Variants in ALKBH5 observed in about 807,000 individuals in gnomAD.
ALKBH5 encodes RNA demethylase ALKBH5.
Under a neutral mutation model 32.1 loss-of-function variants are expected in ALKBH5, and 2 were observed. The observed-to-expected ratio is 0.06, with a 90% CI of 0.03 to 0.20. The LOEUF (loss-of-function observed/expected upper bound fraction) is 0.20, where lower values mean the gene tolerates loss of function less well. ALKBH5 is among the 10% of genes least tolerant of loss of function. The probability of loss-of-function intolerance (pLI) is 1.00; values close to 1 mark genes in which losing one functional copy is unlikely to be tolerated. For missense variants in ALKBH5, 352 were observed against 559.5 expected (o/e 0.63, Z 3.74); for synonymous variants, 300 against 231.7 (o/e 1.29, Z -2.68).
chr17:18,205,848 T>C (rs957882678), intron 2 of ALKBH5, among the ~76,000 whole-genome samples: 1 of 152,196 alleles, frequency 6.6e-6, no homozygotes, highest in African/African-American at 2.4e-5. Context: ...CCCCTACTCC[T>C]TCGGAACTAA....
At chr17:18,186,198 G>A (rs1161667797) in intron 1 of ALKBH5, among the ~76,000 whole-genome samples, 7 of 152,208 alleles carry the variant, frequency 4.6e-5, no homozygotes, top group Non-Finnish European at 1.5e-5. Flanking sequence ...GAAGTCAGTA[G>A]TAGCAGAAGC....
chr17:18,205,778 C>T (rs1180495541), intron 2 of ALKBH5, among the ~76,000 whole-genome samples: 2 of 152,182 alleles, frequency 1.3e-5, no homozygotes, highest in Non-Finnish European at 1.5e-5. Flanking sequence ...CTTGGATTTC[C>T]CTCCTGCTTA....
chr17:18,202,239 C>T (rs970212936), intron 2 of ALKBH5, among the ~76,000 whole-genome samples: 1 of 151,804 alleles, frequency 6.6e-6, no homozygotes, highest in African/African-American at 2.4e-5. Flanking sequence ...ACCCAGGAGG[C>T]GGAGGTTGCA....
At chr17:18,188,912 C>A (rs904705748) in intron 1 of ALKBH5, among the ~76,000 whole-genome samples, 6 of 152,010 alleles carry the variant, frequency 3.9e-5, no homozygotes, top group Non-Finnish European at 5.9e-5. Context: ...ACTAAAAATA[C>A]AAAAACTAGC....
At chr17:18,201,806 T>TAGGATAGATA (rs1567676701) in intron 2 of ALKBH5, among the ~76,000 whole-genome samples, 6 of 72,108 alleles carry the variant, frequency 8.3e-5, no homozygotes, top group Non-Finnish European at 1.5e-4. Context: ...GATAGATAGA[T>TAGGATAGATA]AGATAGATAG....
intron 1 of ALKBH5, among the ~76,000 whole-genome samples, chr17:18,189,427 G>A (rs957579604): frequency 1.3e-5 from 2 of 152,222 alleles, no homozygotes; most frequent in Admixed American, 1.3e-4. Flanking sequence ...TGGCTGGCCA[G>A]TTGGTGGATA....
chr17:18,185,391 T>C (rs1178678642), intron 1 of ALKBH5, among the ~76,000 whole-genome samples: 1 of 112,522 alleles, frequency 8.9e-6, no homozygotes, highest in Non-Finnish European at 2.1e-5. Context: ...ATCTATGCTT[T>C]AAAATTTTTT....
At chr17:18,201,794 A>AGATAGGATAGATT (rs1491101824) in intron 2 of ALKBH5, among the ~76,000 whole-genome samples, 1 of 134,416 alleles carries the variant, frequency 7.4e-6, no homozygotes, top group Non-Finnish European at 1.6e-5. Flanking sequence ...TAGGATAGAT[A>AGATAGGATAGATT]AGATAGATAG....
intron 1 of ALKBH5, among the ~76,000 whole-genome samples, chr17:18,185,799 A>G (rs2047135728): frequency 6.6e-6 from 1 of 152,208 alleles, no homozygotes; most frequent in Non-Finnish European, 1.5e-5. Context: ...CCCCCAGAGG[A>G]GATTGCCATT....
Position 18,184,624 on chromosome 17 carries a change from C to A in ALKBH5, c.381C>A (p.Ala127=), listed in dbSNP as rs768104129. Reference sequence around the variant, plus strand: ...ACAACGAGCACACGGTGGACCGGGCCCCACTGCGCAACAAGTACTTCTTCG... The same window carrying A: ...ACAACGAGCACACGGTGGACCGGGCACCACTGCGCAACAAGTACTTCTTCG... The part of the protein sequence containing the change: ...GLYNEHTVDR[A]PLRNKYFFGE... Residue 127 remains alanine (A), a synonymous_variant, in exon 1 of 4, where the codon GCC becomes GCA. Coordinates refer to ENST00000399138, the MANE Select transcript of ALKBH5 (RefSeq NM_017758.4). 6.2e-7 allele frequency: 1 copy of A among 1,613,220 alleles called. No homozygotes were observed. Among genetic ancestry groups the A allele is most frequent in the Non-Finnish European group, 8.5e-7 (1 of 1,180,002 alleles).
At position 18,194,973 on chromosome 17, in the gene ALKBH5, A is replaced by C. The variant is rs755667731; in HGVS notation, c.789A>C (p.Glu263Asp). 9 of 1,613,810 alleles carry C rather than the reference A, an allele frequency of 5.6e-6. No individual in the cohort carries two copies. The African/African-American group carries it at 1.1e-4, about 19-fold the overall frequency. ...VTVLSGYAAD[E>D]ITHCIRPQDI... Reference sequence around the variant, plus strand: ...TTTTCAGTGGATATGCTGCTGATGAAATCACTCACTGCATACGGCCTCAGG... The same window carrying C: ...TTTTCAGTGGATATGCTGCTGATGACATCACTCACTGCATACGGCCTCAGG... The change falls in exon 2 of 4, where the codon GAA becomes GAC. Residue 263 changes from glutamate (E) to aspartate (D), a missense_variant. Around this residue, in one of 4 missense-constraint regions of ALKBH5, gnomAD observed 56 missense variants for 238.1 expected, o/e 0.24. Coordinates refer to ENST00000399138, the MANE Select transcript of ALKBH5 (RefSeq NM_017758.4).
rs1163701018 is a variant in ALKBH5 at position 18,184,342 on chromosome 17, T to A, written c.99T>A (p.Ala33=). 31 of 1,511,880 alleles carry A rather than the reference T, an allele frequency of 2.1e-5. No individual in the cohort carries two copies. Among genetic ancestry groups the A allele is most frequent in the South Asian group, 1.1e-4 (9 of 79,480 alleles). 93.7% of individuals were successfully genotyped at this position (1,511,880 alleles called of 1,614,324 possible). The change falls in exon 1 of 4, where the codon GCT becomes GCA. Residue 33 remains alanine, a synonymous_variant. Transcript: ENST00000399138. ...CGGGCAGCCGGGAGGCCGCCGCCGC[T>A]GCCGCAGCCGCCGTAGCCGCCGCAG... ...YKAGSREAAA[A]AAAAVAAAAA...
chr17:18,188,946 A>C (rs1024313978), intron 1 of ALKBH5, among the ~76,000 whole-genome samples: 22 of 152,112 alleles, frequency 1.4e-4, no homozygotes, highest in African/African-American at 5.1e-4. Context: ...GTGCACCTCT[A>C]ATCCCAGCTA....
intron 2 of ALKBH5, among the ~76,000 whole-genome samples, chr17:18,202,151 C>CA (rs1208882613): frequency 6.6e-5 from 10 of 151,072 alleles, no homozygotes; most frequent in Non-Finnish European, 1.3e-4. Flanking sequence ...ACTAAAAATA[C>CA]AAAAAAAATC....
intron 1 of ALKBH5, among the ~76,000 whole-genome samples, chr17:18,187,340 G>C (rs58804619): frequency 0.15 from 22,728 of 151,970 alleles, 2,355 homozygotes; most frequent in East Asian, 0.54. Context: ...GTTGATGGGA[G>C]GCAGATGGAG....
chr17:18,197,211 A>G (rs963103046), intron 2 of ALKBH5, among the ~76,000 whole-genome samples: 6 of 152,236 alleles, frequency 3.9e-5, no homozygotes, highest in Non-Finnish European at 5.9e-5. Flanking sequence ...ACTTGGGTCA[A>G]CTTGGTGGGG....
At chr17:18,196,570 C>G (rs1021339734) in intron 2 of ALKBH5, among the ~76,000 whole-genome samples, 1 of 152,202 alleles carries the variant, frequency 6.6e-6, no homozygotes, top group Non-Finnish European at 1.5e-5. Flanking sequence ...TAGAAAATCT[C>G]TCAATTAGAA....
intron 1 of ALKBH5, 49 bp from the exon 2 acceptor site, chr17:18,194,906 T>C: frequency 1.9e-6 from 3 of 1,571,016 alleles, no homozygotes; most frequent in South Asian, 2.2e-5. Flanking sequence ...CCAGGAACTT[T>C]GGTTGTCTGT....
intron 2 of ALKBH5, among the ~76,000 whole-genome samples, chr17:18,204,629 G>A (rs757903123): frequency 2.0e-5 from 3 of 152,142 alleles, no homozygotes; most frequent in Admixed American, 6.5e-5. Flanking sequence ...GAGTGTGGCA[G>A]CGGGTACCTA....
Sources: allele counts gnomAD v4.1 joint callset (sites outside exome capture counted in the v4.1 genomes callset), GRCh38; gene constraint gnomAD v4.1.1; regional missense constraint gnomAD v4.1.1; transcripts MANE v1.5; gene names NCBI Gene and HGNC (gene_info 2026-07-23, HGNC 2026-07-21).